Variants in SLC6A4 observed in about 807,000 individuals in gnomAD.
SLC6A4 encodes sodium-dependent serotonin transporter.
SLC6A4 carries 22 observed loss-of-function variants against 73.4 expected under a neutral mutation model. The observed-to-expected ratio is 0.30, with a 90% confidence interval of 0.21 to 0.43. The LOEUF (loss-of-function observed/expected upper bound fraction) is 0.43, where lower values mean the gene tolerates loss of function less well. SLC6A4 is among the 20% of genes least tolerant of loss of function. SLC6A4 has a pLI of 1.00. For missense variants in SLC6A4, 593 were observed against 808.5 expected, an observed-to-expected ratio of 0.73 and a Z score of 3.23; for synonymous variants, 270 against 315.5, an observed-to-expected ratio of 0.86 and a Z score of 1.53.
Position 30,216,141 on chromosome 17 carries a change from C to A in SLC6A4, c.913G>T (p.Ala305Ser). The A allele has an allele frequency of 1.9e-6, 3 of 1,612,442 alleles. No homozygotes were observed. Among genetic ancestry groups the A allele is most frequent in the South Asian group, 2.2e-5 (2 of 91,016 alleles). Reference protein sequence around the residue: ...LLVRGATLPGAWRGVLFYLKP... With the variant: ...LLVRGATLPGSWRGVLFYLKP... ...AAGTAGAAGAGAACACCCCTCCAGG[C>A]TCCAGGGAGGGTGGCACCCCTCACC... The change falls in exon 7 of 15, where the codon GCC becomes TCC. Residue 305 changes from alanine to serine, a missense_variant. Physicochemically the swap from Ala to Ser is moderately conservative, Grantham distance 99 (BLOSUM62 1). Coordinates refer to ENST00000650711, the MANE Select transcript of SLC6A4 (RefSeq NM_001045.6).
At chr17:30,230,488 T>C (rs1176912089) in intron 1 of SLC6A4, among the ~76,000 whole-genome samples, 1 of 152,192 alleles carries the variant, frequency 6.6e-6, no homozygotes, top group Admixed American at 6.5e-5. Context: ...AGATTACCTT[T>C]GTGTAAAACA....
rs1906554059 is a variant in SLC6A4 at position 30,215,810 on chromosome 17, G to GT, written c.973-97dup. ...GCCACTCCTGCCTCCATGTGGCTAA[G>GT]TGCAGAGGCAGAAAAACAGCTTTTA... On this transcript the variant is annotated intron_variant, in intron 7 of 14. Transcript: ENST00000650711. 3.7e-6 allele frequency: 4 copies of GT among 1,074,714 alleles called. No homozygotes were observed. The Admixed American group carries it at 7.8e-5, about 21-fold the overall frequency. 66.6% of individuals were successfully genotyped at this position (1,074,714 alleles called of 1,614,324 possible). A position where few individuals can be genotyped will look rare whatever the true frequency, so the allele number is the denominator to read the frequency against.
intron 1 of SLC6A4, among the ~76,000 whole-genome samples, chr17:30,234,304 T>C (rs866380802): frequency 6.6e-6 from 1 of 152,202 alleles, no homozygotes; most frequent in African/African-American, 2.4e-5. Context: ...GAGGGGACTT[T>C]TGATTAATTG....
rs201802369 is a variant in SLC6A4 at position 30,218,863 on chromosome 17, C to T, written c.412G>A (p.Ala138Thr). 36 of 1,613,804 alleles carry T rather than the reference C, an allele frequency of 2.2e-5. No individual in the cohort carries two copies. The highest frequency in any genetic ancestry group is 2.7e-5 in the Non-Finnish European group (32 of 1,179,918). ...GGIPLFYMEL[A>T]LGQYHRNGCI... ...CCATTTCGGTGGTACTGTCCCAGTGCGAGCTCCATGTAAAAGAGCGGGATT... is the reference window on the plus strand; with the variant it reads ...CCATTTCGGTGGTACTGTCCCAGTGTGAGCTCCATGTAAAAGAGCGGGATT... The change falls in exon 4 of 15, where the codon GCA becomes ACA. Residue 138 changes from alanine to threonine, a missense_variant. Ala to Thr is a moderately conservative substitution (Grantham distance 58, BLOSUM62 0). Transcript: ENST00000650711.
intron 1 of SLC6A4, among the ~76,000 whole-genome samples, chr17:30,226,872 C>CAAAAAA (rs9303630): frequency 1.8e-5 from 2 of 112,312 alleles, no homozygotes; most frequent in Non-Finnish European, 1.8e-5. Context: ...GACTCTGTCT[C>CAAAAAA]AAAAAAAAAA....
At position 30,196,195 on chromosome 17, in the gene SLC6A4, T is replaced by A. The variant is rs985054737; in HGVS notation, c.*2261A>T. The A allele has an allele frequency of 1.3e-5, 2 of 152,064 alleles. No homozygotes were observed. Among genetic ancestry groups the A allele is most frequent in the African/African-American group, 4.8e-5 (2 of 41,410 alleles). 9.4% of individuals were successfully genotyped at this position (152,064 alleles called of 1,614,324 possible). A position where few individuals can be genotyped will look rare whatever the true frequency, so the allele number is the denominator to read the frequency against. On this transcript the variant is annotated 3_prime_UTR_variant, in exon 15 of 15. Transcript: ENST00000650711. The stretch of plus-strand genomic sequence containing the variant: ...GTTACAATTCAATTCTATTTTTAGT[T>A]TTTATTTTTCTATAAATGCTACATA...
chr17:30,227,019 A>G (rs1906950764), intron 1 of SLC6A4, among the ~76,000 whole-genome samples: 1 of 152,242 alleles, frequency 6.6e-6, no homozygotes, highest in African/African-American at 2.4e-5. Context: ...GCTGCCACAC[A>G]TCCCGTGGTG....
chr17:30,215,972 CT>C lies in SLC6A4; in HGVS notation c.972+109del, dbSNP rs1350809537. On this transcript the variant is annotated intron_variant, in intron 7 of 14. Coordinates refer to ENST00000650711, the MANE Select transcript of SLC6A4 (RefSeq NM_001045.6). The stretch of plus-strand genomic sequence containing the variant: ...TTCTTGGTTAAAGTATCATTGCAGA[CT>C]TGCACACTGAAGCCACATTTCAGTT... 11 of 999,058 alleles carry C rather than the reference CT, an allele frequency of 1.1e-5. No homozygotes were observed. The Admixed American group carries it at 1.6e-4, about 15-fold the overall frequency. The allele number at this position is 999,058 out of a possible 1,614,324, so 61.9% of individuals were successfully genotyped here.
rs1220676805 is a variant in SLC6A4, at chr17:30,217,349, T to G, written c.699-45A>C. On this transcript the variant is annotated intron_variant, in intron 5 of 14. Transcript: ENST00000650711. Reference sequence around the variant, plus strand: ...AAGGCCCCTGAGAGGCTCTGTAGAGTGACCTGGGCACACATCTGTGCTGCT... The same window carrying G: ...AAGGCCCCTGAGAGGCTCTGTAGAGGGACCTGGGCACACATCTGTGCTGCT... 4.4e-6 allele frequency: 7 copies of G among 1,591,010 alleles called. No homozygotes were observed. In the South Asian group the frequency reaches 5.7e-5, roughly 13 times the overall value.
At chr17:30,220,185 G>A (rs1411260307) in intron 3 of SLC6A4, among the ~76,000 whole-genome samples, 1 of 152,182 alleles carries the variant, frequency 6.6e-6, no homozygotes, top group East Asian at 1.9e-4. Context: ...TCTGTGTTAG[G>A]TCACGGGAGA....
intron 13 of SLC6A4, among the ~76,000 whole-genome samples, chr17:30,206,847 T>C (rs1906221370): frequency 2.0e-5 from 3 of 150,860 alleles, no homozygotes; most frequent in Admixed American, 1.3e-4. Context: ...GCCTCCTGAG[T>C]AGCACCTAGT....
intron 1 of SLC6A4, among the ~76,000 whole-genome samples, chr17:30,223,666 C>T (rs564634442): frequency 1.3e-5 from 2 of 152,308 alleles, no homozygotes; most frequent in East Asian, 1.9e-4. Context: ...CTTCATGTAG[C>T]TAGGGGCTGT....
At chr17:30,214,290 C>T (rs57059520) in intron 8 of SLC6A4, among the ~76,000 whole-genome samples, 10 of 151,550 alleles carry the variant, frequency 6.6e-5, no homozygotes, top group Middle Eastern at 6.8e-3. Flanking sequence ...GTCGTGGTGG[C>T]GCATGCCTGT....
Position 30,221,763 on chromosome 17 carries a change from T to A in SLC6A4, c.196A>T (p.Thr66Ser), listed in dbSNP as rs1171155787. The A allele has an allele frequency of 6.2e-7, 1 of 1,613,348 alleles. No homozygotes were observed. Among genetic ancestry groups the A allele is most frequent in the East Asian group, 2.2e-5 (1 of 44,888 alleles). Residue 66 changes from threonine to serine, a missense_variant, in exon 3 of 15, where the codon ACC (threonine) becomes TCC (serine). Physicochemically the swap from Thr to Ser is moderately conservative, Grantham distance 58. Transcript: ENST00000650711. The stretch of plus-strand genomic sequence containing the variant: ...AGCTCAGCCACTAGGGTGGTGGTGG[T>A]CGCTGGGATAGAGTGCCGTGTGTCA... Reference protein sequence around the residue: ...GDDTRHSIPATTTTLVAELHQ... With the variant: ...GDDTRHSIPASTTTLVAELHQ...
Position 30,221,633 on chromosome 17 carries a change from C to A in SLC6A4, c.326G>T (p.Cys109Phe). The A allele has an allele frequency of 6.2e-7, 1 of 1,613,650 alleles. No homozygotes were observed. ...LGNVWRFPYI[C>F]YQNGGGAFLL... is the part of the protein sequence containing the mutation. ...ATACTGACCCCCTCCATTCTGGTAA[C>A]ATATGTAGGGGAAGCGCCAGACATT... is the stretch of plus-strand genomic sequence containing the variant. The change falls in exon 3 of 15, where the codon TGT becomes TTT. Residue 109 changes from cysteine to phenylalanine, a missense_variant. Cys to Phe is a radical substitution (Grantham distance 205). Transcript: ENST00000650711.
In SLC6A4 at chr17:30,198,499, G is replaced by A. The variant is rs375913512; in HGVS notation, c.1850C>T (p.Pro617Leu). The change falls in exon 15 of 15, where the codon CCA becomes CTA. Residue 617 changes from proline to leucine, a missense_variant. Coordinates refer to ENST00000650711, the MANE Select transcript of SLC6A4 (RefSeq NM_001045.6). ...GATGTCCCCACAAGGAATTTCTGTTGGTGTTTCTGGGGTAATACTTTTAAT... is the reference window on the plus strand; with the variant it reads ...GATGTCCCCACAAGGAATTTCTGTTAGTGTTTCTGGGGTAATACTTTTAAT... ...RIIKSITPETPTEIPCGDIRL... is the reference protein window; with the variant it reads ...RIIKSITPETLTEIPCGDIRL... 21 of 1,600,726 alleles carry A rather than the reference G, an allele frequency of 1.3e-5. No individual in the cohort carries two copies. Among genetic ancestry groups the A allele is most frequent in the Middle Eastern group, 3.3e-4 (2 of 6,046 alleles).
At chr17:30,215,441 C>T (rs2143014805) in intron 8 of SLC6A4, among the ~76,000 whole-genome samples, 170 bp downstream of exon 8, 1 of 152,232 alleles carries the variant, frequency 6.6e-6, no homozygotes, top group South Asian at 2.1e-4. Context: ...TGGATGAGTG[C>T]TCTGGCCATG....
chr17:30,223,917 C>G (rs1906850138), intron 1 of SLC6A4, among the ~76,000 whole-genome samples: 2 of 152,128 alleles, frequency 1.3e-5, no homozygotes, highest in South Asian at 2.1e-4. Flanking sequence ...CACACATCCT[C>G]TCACCCACCA....
intron 1 of SLC6A4, among the ~76,000 whole-genome samples, chr17:30,230,096 G>GA (rs61712022): frequency 0.17 from 18,061 of 108,470 alleles, 1,600 homozygotes; most frequent in African/African-American, 0.28. Flanking sequence ...AGAAGAAGAA[G>GA]AGGAGGAAGA....
Sources: allele counts gnomAD v4.1 joint callset (sites outside exome capture counted in the v4.1 genomes callset), GRCh38; gene constraint gnomAD v4.1.1; transcripts MANE v1.5; gene names NCBI Gene and HGNC (gene_info 2026-07-23, HGNC 2026-07-21).